IL6ST: variants seen among roughly 807,000 people sequenced by gnomAD.
IL6ST encodes interleukin 6 cytokine family signal transducer, also known as interleukin-6 receptor subunit beta.
In IL6ST, 24 loss-of-function variants were observed where a neutral mutation model predicts 91.3. The observed-to-expected ratio is 0.26, with a 90% CI of 0.19 to 0.37. The LOEUF is 0.37. Among genes scored for constraint, IL6ST ranks in the 10% least tolerant of loss-of-function variants. The pLI, the probability that IL6ST is intolerant of heterozygous loss-of-function variation, is 1.00. For missense variants in IL6ST, 914 were observed against 1,078.5 expected, an observed-to-expected ratio of 0.85 and a Z score of 2.14; for synonymous variants, 351 against 373.6, an observed-to-expected ratio of 0.94 and a Z score of 0.70.
chr5:55,943,772 A>G (rs1199983528), intron 15 of IL6ST, among the ~76,000 whole-genome samples: 1 of 151,300 alleles, frequency 6.6e-6, no homozygotes, highest in Non-Finnish European at 1.5e-5. Flanking sequence ...GTAAAGGGGA[A>G]AAAAAAACAC....
At chr5:55,941,840 T>C (rs1201158381) in intron 16 of IL6ST, 21 bp from the exon 17 acceptor site, 1 of 1,586,944 alleles carries the variant, frequency 6.3e-7, no homozygotes, top group Non-Finnish European at 8.6e-7. Context: ...GAAAAAATTG[T>C]ATATGGCAAG....
Position 55,982,749 on chromosome 5 carries a change from G to C in IL6ST, c.-41C>G. On this transcript the variant is annotated 5_prime_UTR_variant, in exon 2 of 17. Transcript: ENST00000381298. ...CCAAATCACAAAATTAGTAAGTGAA[G>C]GAGTAGGGATTTGAAGCTAAGTCTT... 1 of 398,348 alleles carries C rather than the reference G, an allele frequency of 2.5e-6. No individual in the cohort carries two copies. The allele number at this position is 398,348 out of a possible 1,614,324, so 24.7% of individuals were successfully genotyped here. A position where few individuals can be genotyped will look rare whatever the true frequency, so the allele number is the denominator to read the frequency against.
At chr5:55,945,796 G>A (rs551541651) in intron 15 of IL6ST, among the ~76,000 whole-genome samples, 3 of 151,530 alleles carry the variant, frequency 2.0e-5, no homozygotes, top group East Asian at 3.9e-4. Context: ...GATTACTGAC[G>A]TGTGCCACCA....
chr5:55,939,699 A>G lies in IL6ST; in HGVS notation c.*1383T>C, dbSNP rs2111564209. ...CCCTATATTTAGCATCTGCTTCCAT[A>G]TCGCACGTGGTGGTTAGGGGACAGC... On this transcript the variant is annotated 3_prime_UTR_variant, in exon 17 of 17. Coordinates refer to ENST00000381298, the MANE Select transcript of IL6ST (RefSeq NM_002184.4). 4.8e-6 allele frequency: 1 copy of G among 207,152 alleles called. No homozygotes were observed. The highest frequency in any genetic ancestry group is 7.3e-5 in the East Asian group (1 of 13,746). The allele number at this position is 207,152 out of a possible 1,614,324, so 12.8% of individuals were successfully genotyped here.
At chr5:55,942,970 T>C (rs1751011953) in intron 15 of IL6ST, among the ~76,000 whole-genome samples, 1 of 152,156 alleles carries the variant, frequency 6.6e-6, no homozygotes, top group Admixed American at 6.5e-5. Flanking sequence ...TCATAATGAA[T>C]TAACAAAGCT....
intron 11 of IL6ST, among the ~76,000 whole-genome samples, chr5:55,953,054 C>G (rs1751739534): frequency 6.6e-6 from 1 of 152,038 alleles, no homozygotes; most frequent in African/African-American, 2.4e-5. Flanking sequence ...GAGTGAGACT[C>G]TGTCTCAAAA....
intron 1 of IL6ST, among the ~76,000 whole-genome samples, chr5:55,985,362 T>A (rs1753904630): frequency 6.6e-6 from 1 of 151,640 alleles, no homozygotes; most frequent in African/African-American, 2.4e-5. Flanking sequence ...TAAAATATTT[T>A]AAAAATTAGC....
chr5:55,972,134 A>C (rs1753001503), intron 3 of IL6ST, among the ~76,000 whole-genome samples: 1 of 152,176 alleles, frequency 6.6e-6, no homozygotes, highest in Non-Finnish European at 1.5e-5. Flanking sequence ...GTTAAATATG[A>C]AATATACTCT....
intron 2 of IL6ST, among the ~76,000 whole-genome samples, chr5:55,981,401 T>C (rs1753660722): frequency 6.6e-6 from 1 of 152,110 alleles, no homozygotes; most frequent in African/African-American, 2.4e-5. Context: ...TCCCAGCACT[T>C]TGGGAAGCCA....
intron 7 of IL6ST, 98 bp from the exon 8 acceptor site, chr5:55,960,659 GCT>G (rs1752256888): frequency 1.8e-5 from 21 of 1,154,278 alleles, no homozygotes; most frequent in Non-Finnish European, 2.4e-5. Context: ...GCACAGCCTT[GCT>G]CTGTTGCCCA....
In IL6ST at chr5:55,976,253, A is replaced by G; in HGVS notation, c.26T>C (p.Val9Ala). 6.3e-7 allele frequency: 1 copy of G among 1,589,942 alleles called. No homozygotes were observed. Among genetic ancestry groups the G allele is most frequent in the Non-Finnish European group, 8.6e-7 (1 of 1,167,772 alleles). MLTLQTWL[V>A]QALFIFLTTE... ...GGTGAGGAAAATAAACAAGGCTTGC[A>G]CTAGCCAAGTCTGCAACGTCAACAT... The change falls in exon 3 of 17, where the codon GTG (valine) becomes GCG (alanine). Residue 9 changes from valine to alanine, a missense_variant. Physicochemically the swap from Val to Ala is moderately conservative, Grantham distance 64. Transcript: ENST00000381298.
chr5:55,941,511 G>C lies in IL6ST; in HGVS notation c.2328C>G (p.Val776=). Residue 776 remains valine, a synonymous_variant, in exon 17 of 17, where the codon GTC becomes GTG. Coordinates refer to ENST00000381298, the MANE Select transcript of IL6ST (RefSeq NM_002184.4). ...GYRHQVPSVQ[V]FSRSESTQPL... ...GCTGGGTAGACTCGGATCTTGAGAA[G>C]ACTTGGACTGACGGAACTTGGTGTC... is the stretch of plus-strand genomic sequence containing the variant. 2 of 1,614,110 alleles carry C rather than the reference G, an allele frequency of 1.2e-6. No individual in the cohort carries two copies. Among genetic ancestry groups the C allele is most frequent in the Middle Eastern group, 1.7e-4 (1 of 6,060 alleles).
At chr5:55,977,820 C>CGACACACACA (rs1289754354) in intron 2 of IL6ST, among the ~76,000 whole-genome samples, 1 of 151,328 alleles carries the variant, frequency 6.6e-6, no homozygotes, top group Non-Finnish European at 1.5e-5. Context: ...AGCGAGACCC[C>CGACACACACA]GACACACACA....
Position 55,941,228 on chromosome 5 carries a change from C to A in IL6ST, c.2611G>T (p.Val871Phe). The A allele has an allele frequency of 1.2e-6, 2 of 1,614,180 alleles. No homozygotes were observed. Among genetic ancestry groups the A allele is most frequent in the Non-Finnish European group, 8.5e-7 (1 of 1,180,014 alleles). The change falls in exon 17 of 17, where the codon GTT becomes TTT. Residue 871 changes from valine to phenylalanine, a missense_variant. Val to Phe is a conservative substitution (Grantham distance 50). Coordinates refer to ENST00000381298, the MANE Select transcript of IL6ST (RefSeq NM_002184.4). ...GGACCAAAAGCATCTGCTGCAGAAA[C>A]TTCCTGAAACATTTTCATTTGCCCA... is the stretch of plus-strand genomic sequence containing the variant. ...GSGQMKMFQE[V>F]SAADAFGPGT...
At chr5:55,963,656 T>C (rs940369922) in intron 6 of IL6ST, 150 bp from the exon 7 acceptor site, 14 of 557,938 alleles carry the variant, frequency 2.5e-5, no homozygotes, top group Non-Finnish European at 3.9e-5. Context: ...CTATGCTATA[T>C]ACCTTATAAT....
chr5:55,951,645 G>T, intron 13 of IL6ST, 41 bp from the exon 14 acceptor site: 1 of 1,576,022 alleles, frequency 6.3e-7, no homozygotes, highest in Non-Finnish European at 8.6e-7. Context: ...ACTATTCAAT[G>T]CTTTTGCTTA....
rs1750762141 is a variant in IL6ST at position 55,939,709 on chromosome 5, G to A, written c.*1373C>T. 4.8e-6 allele frequency: 1 copy of A among 207,842 alleles called. No individual in the cohort carries two copies. Among genetic ancestry groups the A allele is most frequent in the Non-Finnish European group, 9.8e-6 (1 of 101,908 alleles). The allele number at this position is 207,842 out of a possible 1,614,324, so 12.9% of individuals were successfully genotyped here. A position where few individuals can be genotyped will look rare whatever the true frequency, so the allele number is the denominator to read the frequency against. ...AGCATCTGCTTCCATATCGCACGTG[G>A]TGGTTAGGGGACAGCATAAGTACAC... is the stretch of plus-strand genomic sequence containing the variant. On this transcript the variant is annotated 3_prime_UTR_variant, in exon 17 of 17. Coordinates refer to ENST00000381298, the MANE Select transcript of IL6ST (RefSeq NM_002184.4).
At position 55,956,216 on chromosome 5, in the gene IL6ST, G is replaced by T; in HGVS notation, c.1076C>A (p.Ala359Asp). ...LVWKTLPPFE[A>D]NGKILDYEVT... ...TTCATAATCCAAGATTTTTCCATTGGCTTCAAAAGGAGGCAATGTCTGTAA... is the reference window on the plus strand; with the variant it reads ...TTCATAATCCAAGATTTTTCCATTGTCTTCAAAAGGAGGCAATGTCTGTAA... Residue 359 changes from alanine (A) to aspartate (D), a missense_variant, in exon 10 of 17, where the codon GCC becomes GAC. Physicochemically the swap from Ala to Asp is moderately radical, Grantham distance 126 (BLOSUM62 -2). Coordinates refer to ENST00000381298, the MANE Select transcript of IL6ST (RefSeq NM_002184.4). The T allele has an allele frequency of 6.3e-7, 1 of 1,594,556 alleles. No individual in the cohort carries two copies. Among genetic ancestry groups the T allele is most frequent in the Non-Finnish European group, 8.6e-7 (1 of 1,162,728 alleles).
At position 55,941,386 on chromosome 5, in the gene IL6ST, T is replaced by C; in HGVS notation, c.2453A>G (p.Asn818Ser). 6.2e-7 allele frequency: 1 copy of C among 1,614,178 alleles called. No homozygotes were observed. Among genetic ancestry groups the C allele is most frequent in the African/African-American group, 1.3e-5 (1 of 75,060 alleles). ...ILPRQQYFKQ[N>S]CSQHESSPDI... The stretch of plus-strand genomic sequence containing the variant: ...TGGACTGGATTCATGCTGACTGCAG[T>C]TCTGTTTGAAGTACTGTTGCCTGGG... The change falls in exon 17 of 17, where the codon AAC becomes AGC. Residue 818 changes from asparagine (N) to serine (S), a missense_variant. Transcript: ENST00000381298.
Sources: allele counts gnomAD v4.1 joint callset (sites outside exome capture counted in the v4.1 genomes callset), GRCh38; gene constraint gnomAD v4.1.1; transcripts MANE v1.5; gene names NCBI Gene and HGNC (gene_info 2026-07-23, HGNC 2026-07-21).